The following C12orf50 variants were observed in gnomAD, a reference collection of about 807,000 sequenced individuals.
C12orf50 encodes zinc finger CCCH-type containing 11D, also known as uncharacterized protein C12orf50.
In C12orf50, 35 loss-of-function variants were observed where a neutral mutation model predicts 61.6. The ratio of observed to expected loss-of-function variants is 0.57; its 90% CI spans 0.43 to 0.75. The LOEUF (loss-of-function observed/expected upper bound fraction) is 0.75, where lower values mean the gene tolerates loss of function less well. Among genes scored for constraint, C12orf50 ranks in the 30% least tolerant of loss-of-function variants. The pLI is 0.00. For missense variants in C12orf50, 475 were observed against 488.5 expected (o/e 0.97, Z 0.26); for synonymous variants, 178 against 161.5 (o/e 1.10, Z -0.77).
intron 4 of C12orf50, among the ~76,000 whole-genome samples, chr12:87,997,155 G>C (rs564211241): frequency 6.6e-6 from 1 of 152,070 alleles, no homozygotes; most frequent in East Asian, 1.9e-4. Flanking sequence ...AAATGCAAAA[G>C]ACATGGGTCC....
chr12:88,006,965 T>G (rs149951946), intron 3 of C12orf50, among the ~76,000 whole-genome samples: 1 of 152,224 alleles, frequency 6.6e-6, no homozygotes, highest in African/African-American at 2.4e-5. Context: ...TAATACGATT[T>G]CATTTGCTGT....
At chr12:87,994,578 A>T in intron 7 of C12orf50, 55 bp downstream of exon 7, 1 of 1,189,622 alleles carries the variant, frequency 8.4e-7, no homozygotes, top group Admixed American at 1.9e-5. Context: ...TAAAATTCAG[A>T]CTCATTTATT....
intron 11 of C12orf50, chr12:87,984,204 G>C (rs1475288612): frequency 3.3e-5 from 5 of 152,112 alleles, no homozygotes; most frequent in Admixed American, 6.6e-5. Flanking sequence ...AGAAGTGTCT[G>C]TTCATATACT....
At chr12:88,023,252 C>A (rs186793442) in intron 3 of C12orf50, among the ~76,000 whole-genome samples, 12,367 of 152,016 alleles carry the variant, frequency 0.081, 1,322 homozygotes, top group African/African-American at 0.25. Context: ...AAATAAGAAA[C>A]AGGGAGAGGA....
intron 2 of C12orf50, 114 bp downstream of exon 2, chr12:88,026,837 A>C: frequency 6.8e-7 from 1 of 1,478,206 alleles, no homozygotes; most frequent in Non-Finnish European, 9.1e-7. Context: ...AAATGCCTAA[A>C]ATCAAATAGT....
chr12:87,987,682 C>T (rs2030893713), intron 9 of C12orf50, among the ~76,000 whole-genome samples, 168 bp downstream of exon 9: 1 of 152,040 alleles, frequency 6.6e-6, no homozygotes, highest in Non-Finnish European at 1.5e-5. Flanking sequence ...CATCACAGCT[C>T]ATTGTCAGAG....
At chr12:87,997,917 ATT>A (rs772229012) in intron 4 of C12orf50, 116 bp downstream of exon 4, 29 of 699,642 alleles carry the variant, frequency 4.1e-5, no homozygotes, top group East Asian at 2.0e-4. Flanking sequence ...AATTATAGTT[ATT>A]TTCTCAGCAA....
chr12:88,025,377 T>C (rs2032663995), intron 3 of C12orf50, among the ~76,000 whole-genome samples: 1 of 152,012 alleles, frequency 6.6e-6, no homozygotes, highest in African/African-American at 2.4e-5. Context: ...AGTTTCTCAG[T>C]TCGTAAGACA....
Position 87,983,086 on chromosome 12 carries a change from C to T in C12orf50, c.1219+17G>A, listed in dbSNP as rs749291474. On this transcript the variant is annotated intron_variant, in intron 12 of 12. Transcript: ENST00000298699. The stretch of plus-strand genomic sequence containing the variant: ...TCAGAATTGCATGATACATTAAAAC[C>T]ACTTATAAATAGTTACCTGGATATA... 105 of 1,431,096 alleles carry T rather than the reference C, an allele frequency of 7.3e-5. No individual in the cohort carries two copies. The highest frequency in any genetic ancestry group is 4.9e-4 in the East Asian group (21 of 43,032). The allele number at this position is 1,431,096 out of a possible 1,614,324, so 88.6% of individuals were successfully genotyped here. A position where few individuals can be genotyped will look rare whatever the true frequency, so the allele number is the denominator to read the frequency against.
At chr12:87,986,184 A>G in intron 10 of C12orf50, 128 bp downstream of exon 10, 1 of 1,248,068 alleles carries the variant, frequency 8.0e-7, no homozygotes, top group Non-Finnish European at 1.1e-6. Flanking sequence ...AGTTTAGAGA[A>G]GTTGAGTTGA....
At chr12:88,002,602 A>G (rs1255066084) in intron 3 of C12orf50, among the ~76,000 whole-genome samples, 1 of 151,676 alleles carries the variant, frequency 6.6e-6, no homozygotes, top group African/African-American at 2.4e-5. Context: ...ATTGAATTTA[A>G]AAAGTGTTTT....
chr12:87,982,919 A>G (rs1240372158), intron 12 of C12orf50, among the ~76,000 whole-genome samples, 184 bp downstream of exon 12: 1 of 152,198 alleles, frequency 6.6e-6, no homozygotes, highest in Non-Finnish European at 1.5e-5. Flanking sequence ...AAAGAGGAAC[A>G]CAGTAAAACA....
Position 87,987,869 on chromosome 12 carries a change from G to A in C12orf50, c.798C>T (p.Cys266=). Residue 266 remains cysteine, a synonymous_variant, in exon 9 of 13, where the codon TGC becomes TGT. Coordinates refer to ENST00000298699, the MANE Select transcript of C12orf50 (RefSeq NM_152589.3). ...LNATENISMK[C]REDPSSMNDV... ...TCTCACTTGAAGAGGGGTCCTCTCT[G>A]CACTTCATACTGATATTCTCAGTAG... 1 of 1,604,810 alleles carries A rather than the reference G, an allele frequency of 6.2e-7. No homozygotes were observed. Among genetic ancestry groups the A allele is most frequent in the Non-Finnish European group, 8.5e-7 (1 of 1,172,964 alleles).
chr12:88,006,079 G>A (rs1179491268), intron 3 of C12orf50, among the ~76,000 whole-genome samples: 4 of 151,824 alleles, frequency 2.6e-5, no homozygotes, highest in East Asian at 1.9e-4. Flanking sequence ...ACCACGCCCC[G>A]CTAATTTTTT....
intron 3 of C12orf50, among the ~76,000 whole-genome samples, chr12:88,004,311 A>C (rs1200378772): frequency 6.6e-6 from 1 of 152,186 alleles, no homozygotes; most frequent in Non-Finnish European, 1.5e-5. Context: ...ATAGTCACTA[A>C]TCATTAGAGA....
chr12:88,019,884 TCAG>T (rs775553240), intron 3 of C12orf50, among the ~76,000 whole-genome samples: 8 of 152,170 alleles, frequency 5.3e-5, no homozygotes, highest in Non-Finnish European at 1.2e-4. Flanking sequence ...AAGCCTACAT[TCAG>T]CATTCTTAGA....
chr12:87,989,324 C>T lies in C12orf50; in HGVS notation c.640G>A (p.Glu214Lys). ...PQRVIFLGVD[E>K]SEALTEEKEI... ...TTCTCTTCAGTTAAAGCTTCACTTTCATCGACTCCAAGAAATATGACCCTC... is the reference window on the plus strand; with the variant it reads ...TTCTCTTCAGTTAAAGCTTCACTTTTATCGACTCCAAGAAATATGACCCTC... The change falls in exon 8 of 13, where the codon GAA becomes AAA. Residue 214 changes from glutamate to lysine, a missense_variant. Transcript: ENST00000298699. 6.2e-7 allele frequency: 1 copy of T among 1,612,002 alleles called. No homozygotes were observed. Among genetic ancestry groups the T allele is most frequent in the Non-Finnish European group, 8.5e-7 (1 of 1,178,758 alleles).
At chr12:88,020,835 A>T (rs2032489974) in intron 3 of C12orf50, among the ~76,000 whole-genome samples, 1 of 152,080 alleles carries the variant, frequency 6.6e-6, no homozygotes, top group Admixed American at 6.6e-5. Flanking sequence ...CATACCAACC[A>T]TGCCCTCAGG....
chr12:87,983,049 A>G, intron 12 of C12orf50, 54 bp downstream of exon 12: 1 of 1,099,770 alleles, frequency 9.1e-7, no homozygotes, highest in Non-Finnish European at 1.3e-6. Flanking sequence ...GCACTTGAAA[A>G]CTTATTCATT....
Sources: allele counts gnomAD v4.1 joint callset (sites outside exome capture counted in the v4.1 genomes callset), GRCh38; gene constraint gnomAD v4.1.1; transcripts MANE v1.5; gene names NCBI Gene and HGNC (gene_info 2026-07-23, HGNC 2026-07-21).